The following MB21D2 variants were observed in gnomAD, a reference collection of about 807,000 sequenced individuals.
The protein encoded by MB21D2 is Mab-21 domain containing 2.
MB21D2 carries 9 observed loss-of-function variants against 33.3 expected under a neutral mutation model. The ratio of observed to expected loss-of-function variants is 0.27; its 90% CI spans 0.16 to 0.47. MB21D2 has a LOEUF of 0.47. Ranked by LOEUF, MB21D2 falls within the 20% of genes least tolerant of loss-of-function variation. The pLI, the probability that MB21D2 is intolerant of heterozygous loss-of-function variation, is 0.99. For missense variants in MB21D2, 540 were observed against 624.6 expected, an observed-to-expected ratio of 0.86 and a Z score of 1.44; for synonymous variants, 241 against 236.3, an observed-to-expected ratio of 1.02 and a Z score of -0.18.
chr3:192,888,894 T>G lies in MB21D2; in HGVS notation c.211+28736A>C, dbSNP rs374383165. 2.0e-5 allele frequency among the ~76,000 whole-genome samples: 3 copies of G among 152,082 alleles called. No homozygotes were observed. The East Asian group carries it at 5.8e-4, about 29-fold the overall frequency. ...CCTGTGAACTCCAGACCAAGCTATC[T>G]AGAGTCCAGCTCTGTCACCCAGGCT... On this transcript the variant is annotated intron_variant, in intron 1 of 1. Coordinates refer to ENST00000392452, the MANE Select transcript of MB21D2 (RefSeq NM_178496.4).
intron 1 of MB21D2, among the ~76,000 whole-genome samples, chr3:192,881,887 CTG>C (rs1713604611): frequency 6.6e-6 from 1 of 152,136 alleles, no homozygotes; most frequent in South Asian, 2.1e-4. Flanking sequence ...TTGTCATTCT[CTG>C]TGATATTTGC....
chr3:192,844,061 T>C (rs978446762), intron 1 of MB21D2, among the ~76,000 whole-genome samples: 1 of 152,190 alleles, frequency 6.6e-6, no homozygotes, highest in Non-Finnish European at 1.5e-5. Flanking sequence ...CAGGTTTTGA[T>C]TTCTGCTCAA....
chr3:192,841,911 C>A (rs201173531), intron 1 of MB21D2, among the ~76,000 whole-genome samples: 112 of 152,210 alleles, frequency 7.4e-4, no homozygotes, highest in Non-Finnish European at 1.2e-3. Flanking sequence ...ATGCTGTAGA[C>A]ATGAGTAGAA....
chr3:192,907,488 G>A (rs866590251), intron 1 of MB21D2, among the ~76,000 whole-genome samples: 3 of 152,070 alleles, frequency 2.0e-5, no homozygotes, highest in South Asian at 2.1e-4. Context: ...TACTGACTGC[G>A]GCAGAAGACA....
chr3:192,847,749 A>G (rs951914837), intron 1 of MB21D2, among the ~76,000 whole-genome samples: 1 of 152,160 alleles, frequency 6.6e-6, no homozygotes, highest in Non-Finnish European at 1.5e-5. Flanking sequence ...AAACATCCTA[A>G]AACTGTCTGC....
At chr3:192,876,331 C>T (rs1254939140) in intron 1 of MB21D2, among the ~76,000 whole-genome samples, 3 of 152,194 alleles carry the variant, frequency 2.0e-5, no homozygotes, top group Non-Finnish European at 4.4e-5. Context: ...TGCCTTTGTC[C>T]TTACAACCCA....
At chr3:192,865,789 T>C (rs907116248) in intron 1 of MB21D2, among the ~76,000 whole-genome samples, 4 of 152,166 alleles carry the variant, frequency 2.6e-5, no homozygotes, top group Non-Finnish European at 4.4e-5. Context: ...TCCCTGCCTG[T>C]AATCTCAGCA....
At chr3:192,916,714 G>C (rs916060985) in intron 1 of MB21D2, among the ~76,000 whole-genome samples, 4 of 152,174 alleles carry the variant, frequency 2.6e-5, no homozygotes, top group Non-Finnish European at 5.9e-5. Flanking sequence ...TCGGTCTCCC[G>C]GGCCTGGCTC....
intron 1 of MB21D2, among the ~76,000 whole-genome samples, chr3:192,816,507 A>C (rs937441117): frequency 6.6e-5 from 10 of 152,198 alleles, no homozygotes; most frequent in African/African-American, 2.4e-4. Context: ...GACTGGCTGC[A>C]ACCCAAAAAG....
rs1560228575 is a variant in MB21D2 at position 192,814,862 on chromosome 3, CCCAAAA to C, written c.212-15218_212-15213del. On this transcript the variant is annotated intron_variant, in intron 1 of 1. Transcript: ENST00000392452. Reference sequence around the variant, plus strand: ...CCTGGGCGACAGAGCGAGACTCCATCCCAAAAAAAAAAAAAAAATTCTTAGACAAAG... The same window carrying C: ...CCTGGGCGACAGAGCGAGACTCCATCAAAAAAAAAAAATTCTTAGACAAAG... Among the ~76,000 whole-genome samples, 486 of 115,568 alleles carry C rather than the reference CCCAAAA, an allele frequency of 4.2e-3. 4 individuals are homozygous for C. The highest frequency in any genetic ancestry group is 0.014 in the African/African-American group (463 of 33,992). 75.8% of individuals were successfully genotyped at this position (115,568 alleles called of 152,430 possible).
intron 1 of MB21D2, among the ~76,000 whole-genome samples, chr3:192,862,426 A>T (rs1352781389): frequency 6.6e-6 from 1 of 152,230 alleles, no homozygotes; most frequent in Admixed American, 6.5e-5. Context: ...CAATAATAAT[A>T]ATTCTCAGAA....
chr3:192,798,423 G>C lies in MB21D2; in HGVS notation c.1439C>G (p.Thr480Arg). The C allele has an allele frequency of 6.2e-7, 1 of 1,614,208 alleles. No individual in the cohort carries two copies. Among genetic ancestry groups the C allele is most frequent in the Non-Finnish European group, 8.5e-7 (1 of 1,180,032 alleles). ...ISVFINPDDV[T>R]RPHFRIDDKF... ...GTCATCAATTCTGAAATGGGGCCTT[G>C]TGACATCGTCAGGATTGATAAAGAC... Residue 480 changes from threonine (T) to arginine (R), a missense_variant, in exon 2 of 2, where the codon ACA (threonine) becomes AGA (arginine). By Grantham distance (71) the Thr-to-Arg change is moderately conservative. Coordinates refer to ENST00000392452, the MANE Select transcript of MB21D2 (RefSeq NM_178496.4). The surrounding 1 kb of genome is among the most constrained non-coding windows in gnomAD (Gnocchi z 4.8).
intron 1 of MB21D2, among the ~76,000 whole-genome samples, chr3:192,890,072 C>A (rs1196207356): frequency 1.3e-5 from 2 of 152,014 alleles, no homozygotes; most frequent in Admixed American, 6.5e-5. Context: ...TATTTATTCC[C>A]AGAATAACAG....
At chr3:192,858,033 GA>G (rs986788246) in intron 1 of MB21D2, among the ~76,000 whole-genome samples, 2 of 152,286 alleles carry the variant, frequency 1.3e-5, no homozygotes, top group Admixed American at 1.3e-4. Flanking sequence ...GCTGAGGCAG[GA>G]AAATCGCTTG....
chr3:192,818,994 T>G (rs200371108), intron 1 of MB21D2, among the ~76,000 whole-genome samples: 5 of 28,364 alleles, frequency 1.8e-4, no homozygotes, highest in African/African-American at 6.2e-4. Flanking sequence ...GGAATTGAGT[T>G]TTTTTTTTGC....
intron 1 of MB21D2, among the ~76,000 whole-genome samples, chr3:192,810,872 T>G (rs987028664): frequency 7.3e-6 from 1 of 136,622 alleles, no homozygotes; most frequent in Non-Finnish European, 1.6e-5. Context: ...TCCTAATATA[T>G]GAGTATGCTT....
intron 1 of MB21D2, among the ~76,000 whole-genome samples, chr3:192,811,722 T>A (rs149887089): frequency 6.6e-6 from 1 of 152,188 alleles, no homozygotes; most frequent in South Asian, 2.1e-4. Flanking sequence ...AAAATCCATA[T>A]ATTTTTCAGA....
chr3:192,912,094 G>A (rs570375232), intron 1 of MB21D2, among the ~76,000 whole-genome samples: 1 of 152,298 alleles, frequency 6.6e-6, no homozygotes, highest in Admixed American at 6.5e-5. Context: ...GTAGGTCCAG[G>A]AGCACCACAC....
intron 1 of MB21D2, among the ~76,000 whole-genome samples, chr3:192,916,853 C>A (rs1338844498): frequency 1.3e-5 from 2 of 152,152 alleles, no homozygotes; most frequent in Non-Finnish European, 1.5e-5. Context: ...GCACCTCTTT[C>A]GGCCAGCGCT....
Sources: gnomAD v4.1 joint callset for allele counts (sites outside exome capture counted in the v4.1 genomes callset) on GRCh38, gnomAD v4.1.1 for gene constraint, Gnocchi (gnomAD v3.1) non-coding constraint, MANE v1.5 for transcripts, NCBI Gene and HGNC (gene_info 2026-07-23, HGNC 2026-07-21) for gene names.